Variants in CIC observed in about 807,000 individuals in gnomAD.
CIC encodes protein capicua homolog.
CIC carries 18 observed loss-of-function variants against 115.7 expected under a neutral mutation model. The observed-to-expected ratio is 0.16, with a 90% CI of 0.11 to 0.23. The LOEUF (loss-of-function observed/expected upper bound fraction) is 0.23, where lower values mean the gene tolerates loss of function less well. CIC is among the 10% of genes least tolerant of loss of function. CIC has a pLI of 1.00. For missense variants in CIC, 2,000 were observed against 2,159.3 expected (o/e 0.93, Z 1.46); for synonymous variants, 1,076 against 923.0 (o/e 1.17, Z -3.01).
At position 42,287,157 on chromosome 19, in the gene CIC, G is replaced by A. The variant is rs534081429; in HGVS notation, c.3096G>A (p.Pro1032=). 1.5e-5 allele frequency: 24 copies of A among 1,613,378 alleles called. No individual in the cohort carries two copies. Among genetic ancestry groups the A allele is most frequent in the African/African-American group, 1.2e-4 (9 of 75,030 alleles). The stretch of plus-strand genomic sequence containing the variant: ...GGGTGGTGGAATCTGGTAAGGGTCC[G>A]CCTCCCACCACGGAGGAGGAGGCCT... ...PLGVVESGKG[P]PPTTEEEASG... The change falls in exon 4 of 21, where the codon CCG becomes CCA. Residue 1032 remains proline, a synonymous_variant. Transcript: ENST00000681038. The surrounding 1 kb of genome is among the most constrained non-coding windows in gnomAD (Gnocchi z 8.7).
At position 42,291,035 on chromosome 19, in the gene CIC, C is replaced by G. The variant is rs377759151; in HGVS notation, c.4994C>G (p.Ala1665Gly). 1 of 1,613,746 alleles carries G rather than the reference C, an allele frequency of 6.2e-7. No individual in the cohort carries two copies. Among genetic ancestry groups the G allele is most frequent in the Non-Finnish European group, 8.5e-7 (1 of 1,179,954 alleles). The change falls in exon 11 of 21, where the codon GCG (alanine) becomes GGG (glycine). Residue 1665 changes from alanine (A) to glycine (G), a missense_variant. Physicochemically the swap from Ala to Gly is moderately conservative, Grantham distance 60. Transcript: ENST00000681038. ...CCCCTGCTGGGCACTGTGGGGAAGG[C>G]GCCTGCCACTGTCACTAACCTACTG... ...AGPLLGTVGKAPATVTNLLVG... is the reference protein window; with the variant it reads ...AGPLLGTVGKGPATVTNLLVG...
intron 15 of CIC, 41 bp downstream of exon 15, chr19:42,292,900 C>T (rs1322471859): frequency 6.2e-7 from 1 of 1,613,828 alleles, no homozygotes; most frequent in Non-Finnish European, 8.5e-7. Context: ...AGTTGGGGGA[C>T]CCAGGGGATG....
At chr19:42,276,864 G>A (rs1221596818) in intron 2 of CIC, among the ~76,000 whole-genome samples, 1 of 152,118 alleles carries the variant, frequency 6.6e-6, no homozygotes, top group East Asian at 1.9e-4. Context: ...GGATGCTGAG[G>A]CTTACCAGAG....
rs1440287549 is a variant in CIC at position 42,272,717 on chromosome 19, G to A, written c.934G>A (p.Gly312Ser). 1.5e-5 allele frequency: 6 copies of A among 398,766 alleles called. No homozygotes were observed. The highest frequency in any genetic ancestry group is 2.2e-5 in the Non-Finnish European group (5 of 226,342). The allele number at this position is 398,766 out of a possible 1,614,324, so 24.7% of individuals were successfully genotyped here. Reference protein sequence around the residue: ...PGPSSQPGLPGSLPQPPQPLH... With the variant: ...PGPSSQPGLPSSLPQPPQPLH... ...CCCCAGCTCCCAGCCAGGCCTACCA[G>A]GCAGCCTCCCGCAGCCCCCACAGCC... is the stretch of plus-strand genomic sequence containing the variant. The change falls in exon 2 of 21, where the codon GGC becomes AGC. Residue 312 changes from glycine to serine, a missense_variant. Gly to Ser is a moderately conservative substitution (Grantham distance 56). Around this residue, in one of 8 missense-constraint regions of CIC, gnomAD observed 222 missense variants for 247.7 expected, o/e 0.90. Transcript: ENST00000681038.
rs1157306005 is a variant in CIC at position 42,290,670 on chromosome 19, C to A, written c.4629C>A (p.Pro1543=). The change falls in exon 11 of 21, where the codon CCC becomes CCA. Residue 1543 remains proline (P), a synonymous_variant. Coordinates refer to ENST00000681038, the MANE Select transcript of CIC (RefSeq NM_001386298.1). ...GGNILQTLVL[P]PNKEEQEGGG... ...ACATCCTGCAGACACTGGTGCTGCC[C>A]CCAAACAAGGAGGAGCAAGAGGGCG... 1 of 1,613,318 alleles carries A rather than the reference C, an allele frequency of 6.2e-7. No homozygotes were observed. The highest frequency in any genetic ancestry group is 8.5e-7 in the Non-Finnish European group (1 of 1,179,916).
chr19:42,271,765 A>G lies in CIC; in HGVS notation c.-10-9A>G. 1 of 398,610 alleles carries G rather than the reference A, an allele frequency of 2.5e-6. No individual in the cohort carries two copies. Among genetic ancestry groups the G allele is most frequent in the Non-Finnish European group, 4.4e-6 (1 of 226,104 alleles). 24.7% of individuals were successfully genotyped at this position (398,610 alleles called of 1,614,324 possible). On this transcript the variant is annotated splice_polypyrimidine_tract_variant and intron_variant, in intron 1 of 20. Coordinates refer to ENST00000681038, the MANE Select transcript of CIC (RefSeq NM_001386298.1). Reference sequence around the variant, plus strand: ...GCTCCGCGTAATCCTCCGCTCTCCCACCCTGCAGGTGGACAAAAATGAAGC... The same window carrying G: ...GCTCCGCGTAATCCTCCGCTCTCCCGCCCTGCAGGTGGACAAAAATGAAGC...
chr19:42,291,670 G>T lies in CIC; in HGVS notation c.5538G>T (p.Gly1846=). 1 of 1,612,976 alleles carries T rather than the reference G, an allele frequency of 6.2e-7. No individual in the cohort carries two copies. The highest frequency in any genetic ancestry group is 8.5e-7 in the Non-Finnish European group (1 of 1,179,996). The change falls in exon 12 of 21, where the codon GGG becomes GGT. Residue 1846 remains glycine, a synonymous_variant. Transcript: ENST00000681038. ...CTAGCATGTCAGTGCGGGGTGGAGG[G>T]GCCGGCCAGCCACTGCCACTGGTGA... is the stretch of plus-strand genomic sequence containing the variant. The part of the protein sequence containing the change: ...AAPSMSVRGG[G]AGQPLPLVSP...
chr19:42,270,977 A>G lies in CIC; in HGVS notation c.-10-797A>G, dbSNP rs2036763785. Among the ~76,000 whole-genome samples the G allele has an allele frequency of 1.4e-5, 2 of 141,180 alleles. No homozygotes were observed. Among genetic ancestry groups the G allele is most frequent in the East Asian group, 4.4e-4 (2 of 4,554 alleles). 92.6% of individuals were successfully genotyped at this position (141,180 alleles called of 152,430 possible). Reference sequence around the variant, plus strand: ...GGAGATGGCTGTACCTGGCAGCCCTAGGGTGCAGAGCAGAGTGGGCAGCCG... The same window carrying G: ...GGAGATGGCTGTACCTGGCAGCCCTGGGGTGCAGAGCAGAGTGGGCAGCCG... On this transcript the variant is annotated intron_variant, in intron 1 of 20. Coordinates refer to ENST00000681038, the MANE Select transcript of CIC (RefSeq NM_001386298.1). This position sits in a 1 kb window ranked among gnomAD's most constrained non-coding sequence, Gnocchi z 4.1.
At chr19:42,289,999 C>A in intron 10 of CIC, 48 bp downstream of exon 10, 1 of 1,497,260 alleles carries the variant, frequency 6.7e-7, no homozygotes, top group South Asian at 1.2e-5. Context: ...CCTCCTAAGC[C>A]ATGGGAATGT....
chr19:42,276,288 G>C lies in CIC; in HGVS notation c.2794+1711G>C, dbSNP rs537380765. 7.9e-5 allele frequency among the ~76,000 whole-genome samples: 12 copies of C among 152,348 alleles called. No individual in the cohort carries two copies. In the South Asian group the frequency reaches 2.5e-3, roughly 32 times the overall value. The stretch of plus-strand genomic sequence containing the variant: ...ATTGGTGAGCAAGGGTCAGATCAGA[G>C]AGGACCCTTAAGTAAGATCATTATG... On this transcript the variant is annotated intron_variant, in intron 2 of 20. Coordinates refer to ENST00000681038, the MANE Select transcript of CIC (RefSeq NM_001386298.1).
In CIC at chr19:42,290,674, A is replaced by G. The variant is rs1298714618; in HGVS notation, c.4633A>G (p.Asn1545Asp). The change falls in exon 11 of 21, where the codon AAC becomes GAC. Residue 1545 changes from asparagine to aspartate, a missense_variant. By Grantham distance (23) the Asn-to-Asp change is conservative (BLOSUM62 1). Coordinates refer to ENST00000681038, the MANE Select transcript of CIC (RefSeq NM_001386298.1). ...CCTGCAGACACTGGTGCTGCCCCCA[A>G]ACAAGGAGGAGCAAGAGGGCGGCGG... is the stretch of plus-strand genomic sequence containing the variant. ...NILQTLVLPP[N>D]KEEQEGGGAR... The G allele has an allele frequency of 6.2e-7, 1 of 1,613,022 alleles. No individual in the cohort carries two copies. Among genetic ancestry groups the G allele is most frequent in the African/African-American group, 1.3e-5 (1 of 74,894 alleles).
chr19:42,289,209 G>A lies in CIC; in HGVS notation c.3890G>A (p.Gly1297Asp). Residue 1297 changes from glycine to aspartate, a missense_variant, in exon 9 of 21, where the codon GGC (glycine) becomes GAC (aspartate). Physicochemically the swap from Gly to Asp is moderately conservative, Grantham distance 94. Transcript: ENST00000681038. ...QMVSGPASYS[G>D]PKPSTQYGAP... is the part of the protein sequence containing the mutation. ...GTGTCTGGCCCTGCATCGTACTCTGGCCCAAAGCCTTCTACCCAGTATGGA... is the reference window on the plus strand; with the variant it reads ...GTGTCTGGCCCTGCATCGTACTCTGACCCAAAGCCTTCTACCCAGTATGGA... The A allele has an allele frequency of 6.2e-7, 1 of 1,613,222 alleles. No homozygotes were observed. The highest frequency in any genetic ancestry group is 1.7e-5 in the Admixed American group (1 of 60,028).
intron 2 of CIC, among the ~76,000 whole-genome samples, chr19:42,277,304 A>G (rs553576511): frequency 6.6e-6 from 1 of 152,316 alleles, no homozygotes; most frequent in East Asian, 1.9e-4. Context: ...ATCTTGGTTC[A>G]TTGCAACCTC....
intron 2 of CIC, among the ~76,000 whole-genome samples, chr19:42,279,436 G>A (rs990803209): frequency 7.9e-4 from 121 of 152,322 alleles, no homozygotes; most frequent in African/African-American, 2.9e-3. Flanking sequence ...GCTGATAAGG[G>A]AGGATCAGGT....
Position 42,279,786 on chromosome 19 carries a change from G to T in CIC, c.2794+5209G>T, listed in dbSNP as rs76809127. On this transcript the variant is annotated intron_variant, in intron 2 of 20. Coordinates refer to ENST00000681038, the MANE Select transcript of CIC (RefSeq NM_001386298.1). ...AGACCCCTGGAGACCGCCCTGGAAA[G>T]GCAGGAGTTGGGAAGAAGATGGCTT... Among the ~76,000 whole-genome samples, 200 of 152,360 alleles carry T rather than the reference G, an allele frequency of 1.3e-3. 1 individual carries two copies. Among genetic ancestry groups the T allele is most frequent in the Non-Finnish European group, 2.4e-3 (165 of 68,022 alleles).
At chr19:42,279,167 GGGTTAAGCC>G (rs1301335752) in intron 2 of CIC, among the ~76,000 whole-genome samples, 1 of 152,200 alleles carries the variant, frequency 6.6e-6, no homozygotes, top group Non-Finnish European at 1.5e-5. Flanking sequence ...GGGGCCAAAG[GGGTTAAGCC>G]TGGGTCTCCT....
chr19:42,278,511 G>T (rs1469042941), intron 2 of CIC, among the ~76,000 whole-genome samples: 1 of 152,186 alleles, frequency 6.6e-6, no homozygotes, highest in Non-Finnish European at 1.5e-5. Flanking sequence ...GCCTTCCTGG[G>T]TTTGTCCCTC....
Position 42,272,437 on chromosome 19 carries a change from G to T in CIC, c.654G>T (p.Pro218=). Reference sequence around the variant, plus strand: ...GGCGTGGTGATGGCCTTTTCCTGCCGGCTGTGGTGCGCCAGGTGCGCCGAA... The same window carrying T: ...GGCGTGGTGATGGCCTTTTCCTGCCTGCTGTGGTGCGCCAGGTGCGCCGAA... ...LARRGDGLFL[P]AVVRQVRRSQ... Residue 218 remains proline (P), a synonymous_variant, in exon 2 of 21, where the codon CCG becomes CCT. Transcript: ENST00000681038. 2.5e-6 allele frequency: 1 copy of T among 398,540 alleles called. No homozygotes were observed. The highest frequency in any genetic ancestry group is 4.4e-6 in the Non-Finnish European group (1 of 225,980). 24.7% of individuals were successfully genotyped at this position (398,540 alleles called of 1,614,324 possible). A position where few individuals can be genotyped will look rare whatever the true frequency, so the allele number is the denominator to read the frequency against.
chr19:42,286,631 ACGAGT>A, intron 2 of CIC, 135 bp from the exon 3 acceptor site: 1 of 991,568 alleles, frequency 1.0e-6, no homozygotes, highest in Non-Finnish European at 1.5e-6. Context: ...CGTTGCATGG[ACGAGT>A]CCAAGAGGCT....
Sources: gnomAD v4.1 joint callset for allele counts (sites outside exome capture counted in the v4.1 genomes callset) on GRCh38, gnomAD v4.1.1 for gene constraint, gnomAD v4.1.1 regional missense constraint, Gnocchi (gnomAD v3.1) non-coding constraint, MANE v1.5 for transcripts, NCBI Gene and HGNC (gene_info 2026-07-23, HGNC 2026-07-21) for gene names.